The following DCDC2C variants were observed in gnomAD, a reference collection of about 807,000 sequenced individuals.
DCDC2C encodes doublecortin domain-containing protein 2C.
DCDC2C carries 44 observed loss-of-function variants against 45.0 expected under a neutral mutation model. The observed-to-expected ratio is 0.98, with a 90% confidence interval of 0.77 to 1.26. DCDC2C has a LOEUF of 1.26. DCDC2C is among the 50% of genes most tolerant of loss of function. The pLI is 0.00. For missense variants in DCDC2C, 447 were observed against 468.9 expected, an observed-to-expected ratio of 0.95 and a Z score of 0.43; for synonymous variants, 187 against 178.8, an observed-to-expected ratio of 1.05 and a Z score of -0.37.
At chr2:3,788,820 T>TCCCTTCCA (rs1670726474) in intron 10 of DCDC2C, among the ~76,000 whole-genome samples, 1 of 133,794 alleles carries the variant, frequency 7.5e-6, no homozygotes, top group African/African-American at 2.7e-5. Context: ...CCTCCCTTCC[T>TCCCTTCCA]GCCTTCCCTC....
At chr2:3,757,268 C>T (rs934529727) in intron 6 of DCDC2C, among the ~76,000 whole-genome samples, 2 of 151,994 alleles carry the variant, frequency 1.3e-5, no homozygotes, top group African/African-American at 4.8e-5. Flanking sequence ...ATGTGAATTG[C>T]CACAACATCT....
chr2:3,784,940 G>A (rs1670611193), intron 9 of DCDC2C, 119 bp from the exon 10 acceptor site: 4 of 651,758 alleles, frequency 6.1e-6, no homozygotes, highest in Non-Finnish European at 8.7e-6. Context: ...CCTGAATGAT[G>A]TTTATGAGAA....
chr2:3,847,076 G>T (rs982564754), intron 10 of DCDC2C, 78 bp from the exon 11 acceptor site: 8 of 1,025,116 alleles, frequency 7.8e-6, no homozygotes, highest in African/African-American at 1.7e-5. Context: ...GCAAGCTCCT[G>T]AGAGAACCAG....
chr2:3,786,917 T>C (rs1050339969), intron 10 of DCDC2C, among the ~76,000 whole-genome samples: 2 of 152,268 alleles, frequency 1.3e-5, no homozygotes, highest in African/African-American at 4.8e-5. Context: ...CTGAAAAGTA[T>C]AACATATCTA....
At position 3,703,615 on chromosome 2, in the gene DCDC2C, TCCCGTCCC is replaced by T. The variant is rs1558553330; in HGVS notation, c.-135_-128del. ...CCGTCCAGCCCCCGTCCCGTCCCCG[TCCCGTCCC>T]CGTCCTGCGCCAGCGGCTGGAGCGG... On this transcript the variant is annotated 5_prime_UTR_variant, in exon 1 of 11. Transcript: ENST00000399143. This position sits in a 1 kb window ranked among gnomAD's most constrained non-coding sequence, Gnocchi z 4.4. 5.8e-6 allele frequency: 5 copies of T among 857,584 alleles called. No individual in the cohort carries two copies. The highest frequency in any genetic ancestry group is 5.3e-5 in the African/African-American group (3 of 56,118). The allele number at this position is 857,584 out of a possible 1,614,324, so 53.1% of individuals were successfully genotyped here.
chr2:3,779,830 G>A (rs1457902654), intron 9 of DCDC2C, among the ~76,000 whole-genome samples: 5 of 152,070 alleles, frequency 3.3e-5, no homozygotes, highest in African/African-American at 9.7e-5. Flanking sequence ...CTTGAAGAAA[G>A]GGGAGGAGTG....
At chr2:3,844,168 A>G (rs924447275) in intron 10 of DCDC2C, 2 of 152,372 alleles carry the variant, frequency 1.3e-5, no homozygotes, top group African/African-American at 4.8e-5. Flanking sequence ...CGATGGGACA[A>G]TCACAAGAAA....
intron 10 of DCDC2C, among the ~76,000 whole-genome samples, chr2:3,797,155 G>T (rs201087712): frequency 6.6e-6 from 1 of 151,962 alleles, no homozygotes; most frequent in Non-Finnish European, 1.5e-5. Flanking sequence ...GTTTATTTGC[G>T]TAGAGTTGTT....
At chr2:3,709,446 C>T (rs1668151016) in intron 2 of DCDC2C, among the ~76,000 whole-genome samples, 1 of 152,220 alleles carries the variant, frequency 6.6e-6, no homozygotes, top group Admixed American at 6.5e-5. Flanking sequence ...GCAGGACACG[C>T]CAGCAGCCCC....
At chr2:3,731,267 C>T (rs1049323840) in intron 3 of DCDC2C, among the ~76,000 whole-genome samples, 25 of 152,172 alleles carry the variant, frequency 1.6e-4, no homozygotes, top group Non-Finnish European at 2.2e-4. Context: ...TTCCCATCCA[C>T]TAATGCTTGG....
At chr2:3,811,355 G>T (rs1572634533) in intron 10 of DCDC2C, among the ~76,000 whole-genome samples, 1 of 152,122 alleles carries the variant, frequency 6.6e-6, no homozygotes, top group African/African-American at 2.4e-5. Flanking sequence ...GTGAATGGGA[G>T]TTCATTTATG....
chr2:3,790,598 T>C (rs1670777435), intron 10 of DCDC2C, among the ~76,000 whole-genome samples: 2 of 152,240 alleles, frequency 1.3e-5, no homozygotes, highest in Non-Finnish European at 2.9e-5. Flanking sequence ...GATTCATTAA[T>C]TGATTTTTAA....
intron 10 of DCDC2C, among the ~76,000 whole-genome samples, chr2:3,837,353 C>T (rs1001149158): frequency 6.6e-6 from 1 of 152,202 alleles, no homozygotes; most frequent in Non-Finnish European, 1.5e-5. Flanking sequence ...AGCCTAACAA[C>T]AGATGTTTCC....
At chr2:3,785,123 G>A in intron 10 of DCDC2C, 23 bp downstream of exon 10, 2 of 1,231,496 alleles carry the variant, frequency 1.6e-6, no homozygotes, top group East Asian at 3.2e-5. Context: ...AACAAATGCT[G>A]TAGTTTTGCG....
intron 10 of DCDC2C, among the ~76,000 whole-genome samples, chr2:3,829,284 CTTTTTTT>C (rs5828893): frequency 3.1e-5 from 4 of 129,594 alleles, no homozygotes; most frequent in Non-Finnish European, 4.9e-5. Flanking sequence ...ATGTCTTTTT[CTTTTTTT>C]TTTTTTTTTG....
intron 10 of DCDC2C, among the ~76,000 whole-genome samples, chr2:3,840,576 T>C (rs985516366): frequency 5.9e-5 from 9 of 152,228 alleles, no homozygotes; most frequent in African/African-American, 2.2e-4. Context: ...TCTAAACTAG[T>C]CAAAATGGTT....
At chr2:3,842,258 T>C (rs1672231476) in intron 10 of DCDC2C, among the ~76,000 whole-genome samples, 1 of 152,046 alleles carries the variant, frequency 6.6e-6, no homozygotes, top group Admixed American at 6.6e-5. Context: ...GTAAGAGAGA[T>C]AAGTGTTAAA....
chr2:3,704,109 C>A, intron 1 of DCDC2C, 71 bp downstream of exon 1: 1 of 1,190,476 alleles, frequency 8.4e-7, no homozygotes, highest in Non-Finnish European at 1.1e-6. Flanking sequence ...GTGGTCAGGG[C>A]CGTGCCCCCC....
chr2:3,742,102 C>A, intron 4 of DCDC2C, 54 bp downstream of exon 4: 1 of 1,470,986 alleles, frequency 6.8e-7, no homozygotes, highest in Admixed American at 2.8e-5. Flanking sequence ...TGTGTTTATT[C>A]TTTCTATGAG....
Sources: gnomAD v4.1 joint callset for allele counts (sites outside exome capture counted in the v4.1 genomes callset) on GRCh38, gnomAD v4.1.1 for gene constraint, Gnocchi (gnomAD v3.1) non-coding constraint, MANE v1.5 for transcripts, NCBI Gene and HGNC (gene_info 2026-07-23, HGNC 2026-07-21) for gene names.